COL11A1: variants seen among roughly 807,000 people sequenced by gnomAD.
COL11A1 encodes collagen type XI alpha 1 chain, also known as collagen alpha-1(XI) chain.
In COL11A1, 74 loss-of-function variants were observed where a neutral mutation model predicts 265.2. The observed-to-expected ratio is 0.28, with a 90% CI of 0.23 to 0.34. The LOEUF (loss-of-function observed/expected upper bound fraction) is 0.34. Among genes scored for constraint, COL11A1 ranks in the 10% least tolerant of loss-of-function variants. The pLI is 1.00. For missense variants in COL11A1, 2,165 were observed against 2,263.6 expected, an observed-to-expected ratio of 0.96 and a Z score of 0.88; for synonymous variants, 816 against 727.6, an observed-to-expected ratio of 1.12 and a Z score of -1.96.
chr1:103,063,922 T>G (rs552557318), intron 4 of COL11A1, among the ~76,000 whole-genome samples: 2 of 152,290 alleles, frequency 1.3e-5, no homozygotes, highest in East Asian at 3.9e-4. Context: ...ACAAGGAAGA[T>G]ATACAGATGG....
intron 9 of COL11A1, among the ~76,000 whole-genome samples, chr1:103,021,166 A>T (rs1667029386): frequency 6.6e-6 from 1 of 151,230 alleles, no homozygotes; most frequent in Non-Finnish European, 1.5e-5. Flanking sequence ...GTTTCTTAGC[A>T]ATATTATTAG....
At chr1:102,878,252 G>C in intron 66 of COL11A1, 87 bp from the exon 67 acceptor site, 1 of 1,205,018 alleles carries the variant, frequency 8.3e-7, no homozygotes, top group African/African-American at 1.5e-5. Context: ...CTGAGTGGAG[G>C]TAAGAAGCTG....
chr1:103,101,741 G>GA (rs113936585), intron 1 of COL11A1, among the ~76,000 whole-genome samples: 1,939 of 139,486 alleles, frequency 0.014, 35 homozygotes, highest in African/African-American at 0.041. Flanking sequence ...TGCTTTTTAA[G>GA]AAAAAAAAAA....
chr1:102,894,566 C>T (rs746935581), intron 57 of COL11A1, among the ~76,000 whole-genome samples: 2 of 151,914 alleles, frequency 1.3e-5, no homozygotes, highest in African/African-American at 2.4e-5. Context: ...CAGTCTTATT[C>T]CCATTTAATG....
intron 4 of COL11A1, among the ~76,000 whole-genome samples, chr1:103,070,408 C>G (rs894335952): frequency 1.3e-5 from 2 of 151,252 alleles, no homozygotes; most frequent in Non-Finnish European, 3.0e-5. Context: ...CATAATTCGA[C>G]ATACTATTAA....
intron 1 of COL11A1, among the ~76,000 whole-genome samples, chr1:103,089,422 T>C (rs1413124387): frequency 6.6e-6 from 1 of 152,222 alleles, no homozygotes; most frequent in African/African-American, 2.4e-5. Flanking sequence ...CTTAATTATG[T>C]CTTTGGCTCT....
chr1:102,908,757 C>T (rs923865936), intron 54 of COL11A1, among the ~76,000 whole-genome samples: 1 of 151,950 alleles, frequency 6.6e-6, no homozygotes, highest in Non-Finnish European at 1.5e-5. Flanking sequence ...TCAAGTATAA[C>T]TTTGCAAGTA....
chr1:102,899,246 A>C (rs1400557411), intron 54 of COL11A1, among the ~76,000 whole-genome samples: 1 of 152,146 alleles, frequency 6.6e-6, no homozygotes, highest in African/African-American at 2.4e-5. Context: ...AGCAGTAAAA[A>C]TAAAGTTTTT....
intron 10 of COL11A1, 109 bp from the exon 11 acceptor site, chr1:103,017,991 T>C: frequency 1.1e-6 from 1 of 949,120 alleles, no homozygotes; most frequent in Non-Finnish European, 1.7e-6. Flanking sequence ...AAATATACAC[T>C]AGAGTTCTAA....
chr1:102,971,728 T>G (rs1661995397), intron 36 of COL11A1, among the ~76,000 whole-genome samples: 1 of 152,130 alleles, frequency 6.6e-6, no homozygotes, highest in African/African-American at 2.4e-5. Context: ...CTTTGCTCCC[T>G]TAAGTCATGT....
chr1:103,085,377 T>C (rs896770675), intron 1 of COL11A1, among the ~76,000 whole-genome samples: 4 of 152,130 alleles, frequency 2.6e-5, no homozygotes, highest in Non-Finnish European at 5.9e-5. Flanking sequence ...AGGGCACATA[T>C]ACCCACTCAA....
intron 4 of COL11A1, among the ~76,000 whole-genome samples, chr1:103,071,387 T>C (rs1363351578): frequency 2.0e-5 from 3 of 151,400 alleles, no homozygotes; most frequent in Non-Finnish European, 2.9e-5. Context: ...ATACAACTTT[T>C]CTAATTTAAT....
At chr1:102,907,666 T>G (rs1654148994) in intron 54 of COL11A1, among the ~76,000 whole-genome samples, 1 of 152,080 alleles carries the variant, frequency 6.6e-6, no homozygotes, top group Non-Finnish European at 1.5e-5. Context: ...CAACGTTATA[T>G]ACACATACAC....
intron 4 of COL11A1, among the ~76,000 whole-genome samples, chr1:103,071,247 T>TA (rs1207088875): frequency 1.4e-5 from 2 of 147,542 alleles, no homozygotes; most frequent in African/African-American, 4.9e-5. Context: ...TTTGATTATT[T>TA]TAAAAAATTA....
At chr1:102,974,957 T>G (rs914004468) in intron 35 of COL11A1, 74 bp from the exon 36 acceptor site, 4 of 1,085,034 alleles carry the variant, frequency 3.7e-6, no homozygotes, top group Non-Finnish European at 5.7e-6. Flanking sequence ...TGAGGTTTAT[T>G]TACATAGACA....
chr1:102,986,164 C>G (rs950981285), intron 30 of COL11A1, among the ~76,000 whole-genome samples: 2 of 152,002 alleles, frequency 1.3e-5, no homozygotes, highest in East Asian at 1.9e-4. Context: ...GGAACCAACC[C>G]AAATGTTCAA....
intron 10 of COL11A1, 32 bp downstream of exon 10, chr1:103,018,786 T>A (rs761757182): frequency 2.6e-6 from 4 of 1,568,480 alleles, no homozygotes; most frequent in Non-Finnish European, 3.5e-6. Flanking sequence ...TTACTTTAAA[T>A]AGACAAAAAT....
chr1:103,106,905 G>A lies in COL11A1; in HGVS notation c.106+1168C>T, dbSNP rs189545839. ...CACTCAAGTTTCTGCTAAAGCCTAC[G>A]CATTTGGGCTTGACCATTTTTATCT... On this transcript the variant is annotated intron_variant, in intron 1 of 66. Coordinates refer to ENST00000370096, the MANE Select transcript of COL11A1 (RefSeq NM_001854.4). 4.6e-5 allele frequency among the ~76,000 whole-genome samples: 7 copies of A among 152,262 alleles called. No individual in the cohort carries two copies. In the East Asian group the frequency reaches 1.4e-3, roughly 30 times the overall value.
intron 41 of COL11A1, among the ~76,000 whole-genome samples, chr1:102,949,905 T>G (rs12134969): frequency 0.12 from 17,513 of 152,142 alleles, 1,268 homozygotes; most frequent in Admixed American, 0.15. Context: ...AACAAAAAAC[T>G]TAAAGGAATT....
Sources: allele counts gnomAD v4.1 joint callset (sites outside exome capture counted in the v4.1 genomes callset), GRCh38; gene constraint gnomAD v4.1.1; transcripts MANE v1.5; gene names NCBI Gene and HGNC (gene_info 2026-07-23, HGNC 2026-07-21).